MAP2K5: variants seen among roughly 807,000 people sequenced by gnomAD.
The protein encoded by MAP2K5 is dual specificity mitogen-activated protein kinase kinase 5.
Under a neutral mutation model 83.1 loss-of-function variants are expected in MAP2K5, and 49 were observed. That is an observed-to-expected ratio of 0.59 (90% confidence interval 0.47 to 0.75). The LOEUF is 0.75. Ranked by LOEUF, MAP2K5 falls within the 30% of genes least tolerant of loss-of-function variation. The pLI, the probability that MAP2K5 is intolerant of heterozygous loss-of-function variation, is 0.00. For synonymous variants in MAP2K5, 202 were observed against 191.8 expected (o/e 1.05, Z -0.44); for missense variants, 457 against 557.5 (o/e 0.82, Z 1.82).
chr15:67,678,835 G>A (rs1376161357), intron 13 of MAP2K5, among the ~76,000 whole-genome samples: 1 of 151,978 alleles, frequency 6.6e-6, no homozygotes, highest in Non-Finnish European at 1.5e-5. Flanking sequence ...ATGGTGGTGA[G>A]CACCTGTAGT....
chr15:67,782,613 C>T lies in MAP2K5; in HGVS notation c.1242+9861C>T, dbSNP rs16951271. On this transcript the variant is annotated intron_variant, in intron 21 of 21. Transcript: ENST00000178640. This position sits in a 1 kb window ranked among gnomAD's most constrained non-coding sequence, Gnocchi z 4.9. ...TCTATGAAGGGCCCCCGTGTTTAAA[C>T]GGGCTTGACAGGAATTTAAATTTTG... is the stretch of plus-strand genomic sequence containing the variant. Among the ~76,000 whole-genome samples the T allele has an allele frequency of 0.04, 6,145 of 152,268 alleles. 422 individuals are homozygous for T. The highest frequency in any genetic ancestry group is 0.14 in the African/African-American group (5,850 of 41,524).
rs749236355 is a variant in MAP2K5 at position 67,678,371 on chromosome 15, A to G, written c.847+13726A>G. Among the ~76,000 whole-genome samples, 75 of 152,296 alleles carry G rather than the reference A, an allele frequency of 4.9e-4. 1 individual carries two copies. The Middle Eastern group carries it at 0.01, about 21-fold the overall frequency. On this transcript the variant is annotated intron_variant, in intron 13 of 21. Transcript: ENST00000178640. ...GCTTTATAGGGGGAAAAAGTTGAAG[A>G]GAAGTTTATTTCTGCCTCCATTGTC...
Position 67,772,635 on chromosome 15 carries a change from A to T in MAP2K5, c.1197-72A>T, listed in dbSNP as rs893413480. ...CATTCAAATTCCAGTACAAATAGCC[A>T]TTGGTAGAAATTATAGCAAAAATAT... On this transcript the variant is annotated intron_variant, in intron 20 of 21. Coordinates refer to ENST00000178640, the MANE Select transcript of MAP2K5 (RefSeq NM_145160.3). The T allele has an allele frequency of 4.7e-5, 45 of 956,470 alleles. No homozygotes were observed. In the African/African-American group the frequency reaches 6.6e-4, roughly 14 times the overall value. The allele number at this position is 956,470 out of a possible 1,614,324, so 59.2% of individuals were successfully genotyped here. A position where few individuals can be genotyped will look rare whatever the true frequency, so the allele number is the denominator to read the frequency against.
rs1246477975 is a variant in MAP2K5 at position 67,555,874 on chromosome 15, CAG to C, written c.184+5793_184+5794del. On this transcript the variant is annotated intron_variant, in intron 2 of 21. Coordinates refer to ENST00000178640, the MANE Select transcript of MAP2K5 (RefSeq NM_145160.3). The surrounding 1 kb of genome is among the most constrained non-coding windows in gnomAD (Gnocchi z 5.2). ...TCTCGGCTCACTGCAACCTCCACCT[CAG>C]GGGTTCAAGCGATTCTCCTGCCTCA... 6.6e-6 allele frequency among the ~76,000 whole-genome samples: 1 copy of C among 151,158 alleles called. No homozygotes were observed. The highest frequency in any genetic ancestry group is 2.4e-5 in the African/African-American group (1 of 41,034).
rs754014957 is a variant in MAP2K5 at position 67,600,747 on chromosome 15, C to T, written c.543C>T (p.Tyr181=). The change falls in exon 8 of 22, where the codon TAC becomes TAT. Residue 181 remains tyrosine (Y), a splice_region_variant and synonymous_variant. Transcript: ENST00000178640. ...TLGHGNGGTV[Y]KAYHVPSGKI... is the part of the protein sequence containing the mutation. ...GTCATGGCAACGGAGGCACAGTCTA[C>T]AAGTGAGTAGTCAATTTTGTTTAAA... The T allele has an allele frequency of 6.2e-7, 1 of 1,601,612 alleles. No homozygotes were observed. Among genetic ancestry groups the T allele is most frequent in the Non-Finnish European group, 8.5e-7 (1 of 1,175,732 alleles).
At position 67,780,765 on chromosome 15, in the gene MAP2K5, C is replaced by A. The variant is rs180879451; in HGVS notation, c.1242+8013C>A. On this transcript the variant is annotated intron_variant, in intron 21 of 21. Transcript: ENST00000178640. The surrounding 1 kb of genome is among the most constrained non-coding windows in gnomAD (Gnocchi z 5.0). ...TTCCAATATTTGCAGGGATAATATTCAAAACATTTAACAACCAGTATAGCA... is the reference window on the plus strand; with the variant it reads ...TTCCAATATTTGCAGGGATAATATTAAAAACATTTAACAACCAGTATAGCA... Among the ~76,000 whole-genome samples the A allele has an allele frequency of 6.6e-6, 1 of 152,078 alleles. No individual in the cohort carries two copies. Among genetic ancestry groups the A allele is most frequent in the African/African-American group, 2.4e-5 (1 of 41,392 alleles).
chr15:67,735,016 T>C (rs997387267), intron 17 of MAP2K5, among the ~76,000 whole-genome samples: 8 of 152,242 alleles, frequency 5.3e-5, no homozygotes, highest in Non-Finnish European at 7.3e-5. Flanking sequence ...TATCCTGATA[T>C]TTCAAGCATA....
chr15:67,650,373 G>A (rs1340601333), intron 11 of MAP2K5, among the ~76,000 whole-genome samples: 2 of 152,144 alleles, frequency 1.3e-5, no homozygotes, highest in African/African-American at 2.4e-5. Context: ...ATAGACTGAT[G>A]AGAGCAGACA....
rs2089663611 is a variant in MAP2K5 at position 67,748,934 on chromosome 15, GTTA to G, written c.1134+336_1134+338del. Among the ~76,000 whole-genome samples the G allele has an allele frequency of 6.6e-6, 1 of 152,136 alleles. No individual in the cohort carries two copies. The highest frequency in any genetic ancestry group is 2.1e-4 in the South Asian group (1 of 4,828). The stretch of plus-strand genomic sequence containing the variant: ...AATGATATCATTTTTTTCTGCAACA[GTTA>G]TTTAAAGTCATTCAGTAGGCAAGGG... On this transcript the variant is annotated intron_variant, in intron 19 of 21. Transcript: ENST00000178640. The surrounding 1 kb of genome is among the most constrained non-coding windows in gnomAD (Gnocchi z 4.0).
chr15:67,684,984 G>A (rs1203445925), intron 13 of MAP2K5, among the ~76,000 whole-genome samples: 1 of 152,052 alleles, frequency 6.6e-6, no homozygotes, highest in Non-Finnish European at 1.5e-5. Flanking sequence ...TAAGATATAT[G>A]TGTTAAGTGG....
Position 67,573,472 on chromosome 15 carries a change from A to G in MAP2K5, c.253-7282A>G, listed in dbSNP as rs2084989281. ...TGAGAATCCACTCACTATCATGAGA[A>G]CAGCAAGGGGGAAATCCACCCCCAT... On this transcript the variant is annotated intron_variant, in intron 3 of 21. Coordinates refer to ENST00000178640, the MANE Select transcript of MAP2K5 (RefSeq NM_145160.3). The surrounding 1 kb of genome is among the most constrained non-coding windows in gnomAD (Gnocchi z 4.2). Among the ~76,000 whole-genome samples, 1 of 152,130 alleles carries G rather than the reference A, an allele frequency of 6.6e-6. No homozygotes were observed. The highest frequency in any genetic ancestry group is 1.5e-5 in the Non-Finnish European group (1 of 67,998).
intron 21 of MAP2K5, among the ~76,000 whole-genome samples, chr15:67,800,393 A>G (rs1171882304): frequency 1.3e-5 from 2 of 152,160 alleles, no homozygotes; most frequent in African/African-American, 4.8e-5. Context: ...AGGACAAAAA[A>G]TTCTGAGAGC....
intron 21 of MAP2K5, among the ~76,000 whole-genome samples, chr15:67,776,376 A>G (rs1352860777): frequency 6.6e-6 from 1 of 152,186 alleles, no homozygotes; most frequent in Admixed American, 6.5e-5. Context: ...TTCAGACAGT[A>G]GAGACCCTGA....
chr15:67,653,376 C>T (rs2086996213), intron 11 of MAP2K5, among the ~76,000 whole-genome samples: 2 of 151,974 alleles, frequency 1.3e-5, no homozygotes, highest in South Asian at 4.1e-4. Context: ...ACCTCTGCCT[C>T]CTGGGTTCAA....
chr15:67,759,410 A>G (rs1055331819), intron 19 of MAP2K5, among the ~76,000 whole-genome samples: 9 of 151,902 alleles, frequency 5.9e-5, no homozygotes, highest in African/African-American at 2.2e-4. Flanking sequence ...AAAAACAAAA[A>G]TTAGCCAAGC....
intron 4 of MAP2K5, among the ~76,000 whole-genome samples, chr15:67,583,473 GT>G (rs1281103588): frequency 6.6e-6 from 1 of 151,844 alleles, no homozygotes; most frequent in Non-Finnish European, 1.5e-5. Context: ...TTATTTCTGT[GT>G]TTTTTTAATA....
At position 67,640,812 on chromosome 15, in the gene MAP2K5, T is replaced by G. The variant is rs982898479; in HGVS notation, c.586-5419T>G. Among the ~76,000 whole-genome samples, 2 of 152,234 alleles carry G rather than the reference T, an allele frequency of 1.3e-5. No homozygotes were observed. The highest frequency in any genetic ancestry group is 2.4e-5 in the African/African-American group (1 of 41,466). On this transcript the variant is annotated intron_variant, in intron 9 of 21. Transcript: ENST00000178640. This position sits in a 1 kb window ranked among gnomAD's most constrained non-coding sequence, Gnocchi z 4.6. ...GGTAGGAATATATTACAAGATATTT[T>G]TAAAAGAAGTTGAATTTTGGAAAGA...
At chr15:67,723,863 G>T (rs998048270) in intron 16 of MAP2K5, among the ~76,000 whole-genome samples, 1 of 151,928 alleles carries the variant, frequency 6.6e-6, no homozygotes, top group Non-Finnish European at 1.5e-5. Flanking sequence ...GCTTTGTTGT[G>T]ATTCTTTTTT....
chr15:67,580,874 C>T, intron 4 of MAP2K5, 51 bp downstream of exon 4: 2 of 1,179,632 alleles, frequency 1.7e-6, no homozygotes, highest in South Asian at 1.2e-5. Flanking sequence ...TAAACTGTTT[C>T]ATCAACAGTT....
Sources: gnomAD v4.1 joint callset for allele counts (sites outside exome capture counted in the v4.1 genomes callset) on GRCh38, gnomAD v4.1.1 for gene constraint, Gnocchi (gnomAD v3.1) non-coding constraint, MANE v1.5 for transcripts, NCBI Gene and HGNC (gene_info 2026-07-23, HGNC 2026-07-21) for gene names.